The following ARHGAP15 variants were observed in gnomAD, a reference collection of about 807,000 sequenced individuals.
ARHGAP15 encodes the protein Rho GTPase activating protein 15.
Under a neutral mutation model 63.7 loss-of-function variants are expected in ARHGAP15, and 51 were observed. That is an observed-to-expected ratio of 0.80 (90% CI 0.64 to 1.01). The LOEUF is 1.01. Among genes scored for constraint, ARHGAP15 ranks in the 50% least tolerant of loss-of-function variants. The pLI is 0.00. For missense variants in ARHGAP15, 560 were observed against 564.6 expected, an observed-to-expected ratio of 0.99 and a Z score of 0.08; for synonymous variants, 191 against 193.8, an observed-to-expected ratio of 0.99 and a Z score of 0.12.
At chr2:143,324,943 TAATG>T (rs1172560378) in intron 6 of ARHGAP15, among the ~76,000 whole-genome samples, 2 of 152,214 alleles carry the variant, frequency 1.3e-5, no homozygotes, top group Non-Finnish European at 2.9e-5. Flanking sequence ...AACATGATTA[TAATG>T]AATATTCAAA....
intron 13 of ARHGAP15, among the ~76,000 whole-genome samples, chr2:143,713,197 G>A (rs937581112): frequency 2.0e-5 from 3 of 152,150 alleles, no homozygotes; most frequent in Non-Finnish European, 2.9e-5. Context: ...CGTGGCTGAG[G>A]TGGAGAGACC....
At chr2:143,295,524 A>G (rs1252456581) in intron 6 of ARHGAP15, 1 of 152,046 alleles carries the variant, frequency 6.6e-6, no homozygotes, top group Non-Finnish European at 1.5e-5. Context: ...TAATCACCAC[A>G]CATAAATTAC....
chr2:143,448,633 C>T (rs560824318), intron 8 of ARHGAP15, among the ~76,000 whole-genome samples: 9 of 152,080 alleles, frequency 5.9e-5, no homozygotes, highest in African/African-American at 1.7e-4. Context: ...TACCCATTGC[C>T]TCTGTGGTTT....
intron 4 of ARHGAP15, among the ~76,000 whole-genome samples, chr2:143,227,061 A>G (rs1404316426): frequency 3.9e-5 from 6 of 152,194 alleles, no homozygotes; most frequent in Non-Finnish European, 8.8e-5. Flanking sequence ...AATGAATTCA[A>G]CTGTTTTGAA....
At chr2:143,390,743 A>G (rs1054055187) in intron 6 of ARHGAP15, among the ~76,000 whole-genome samples, 2 of 149,982 alleles carry the variant, frequency 1.3e-5, no homozygotes, top group Non-Finnish European at 3.0e-5. Flanking sequence ...ACACACACAC[A>G]CACACACACA....
At chr2:143,233,843 C>A (rs1399325299) in intron 5 of ARHGAP15, among the ~76,000 whole-genome samples, 1 of 151,988 alleles carries the variant, frequency 6.6e-6, no homozygotes, top group Non-Finnish European at 1.5e-5. Flanking sequence ...TAGGGTTTCA[C>A]TATGTTGGCC....
intron 8 of ARHGAP15, among the ~76,000 whole-genome samples, chr2:143,459,588 A>G (rs749852828): frequency 6.6e-5 from 10 of 152,160 alleles, no homozygotes; most frequent in Non-Finnish European, 1.2e-4. Flanking sequence ...TGCTTTCTGT[A>G]TACAATATTT....
intron 6 of ARHGAP15, among the ~76,000 whole-genome samples, chr2:143,409,822 G>C (rs1688370357): frequency 6.6e-6 from 1 of 152,030 alleles, no homozygotes; most frequent in Non-Finnish European, 1.5e-5. Flanking sequence ...GTGTGTGGTA[G>C]GCTATACCAT....
At chr2:143,174,197 C>A (rs1690918046) in intron 2 of ARHGAP15, among the ~76,000 whole-genome samples, 1 of 152,106 alleles carries the variant, frequency 6.6e-6, no homozygotes, top group Non-Finnish European at 1.5e-5. Context: ...GCCAGGCTCC[C>A]TACAGTTACA....
At chr2:143,729,080 GA>G (rs1403976691) in intron 13 of ARHGAP15, among the ~76,000 whole-genome samples, 1 of 152,122 alleles carries the variant, frequency 6.6e-6, no homozygotes, top group Non-Finnish European at 1.5e-5. Flanking sequence ...TGCATAGCAA[GA>G]AAAAAAGTGA....
intron 6 of ARHGAP15, among the ~76,000 whole-genome samples, chr2:143,273,104 ATTAT>A (rs1681376003): frequency 1.3e-5 from 2 of 152,060 alleles, no homozygotes; most frequent in Admixed American, 6.5e-5. Context: ...GTTTAAATAA[ATTAT>A]TTATACTTCT....
intron 6 of ARHGAP15, among the ~76,000 whole-genome samples, chr2:143,253,009 A>G (rs1029696895): frequency 2.0e-5 from 3 of 152,030 alleles, no homozygotes; most frequent in East Asian, 1.9e-4. Flanking sequence ...TTTCTTCCTG[A>G]CTGAAAAAGA....
At chr2:143,323,702 G>T (rs528145517) in intron 6 of ARHGAP15, among the ~76,000 whole-genome samples, 1 of 151,698 alleles carries the variant, frequency 6.6e-6, no homozygotes, top group Non-Finnish European at 1.5e-5. Flanking sequence ...CCGAGACCAC[G>T]GTGAAACCCT....
chr2:143,249,147 G>T (rs60632578), intron 5 of ARHGAP15, among the ~76,000 whole-genome samples: 25,729 of 152,024 alleles, frequency 0.17, 2,347 homozygotes, highest in Middle Eastern at 0.25. Context: ...ATCTCTTTAA[G>T]GAGCATGGCT....
At chr2:143,575,930 A>C (rs1324668026) in intron 11 of ARHGAP15, among the ~76,000 whole-genome samples, 1 of 152,148 alleles carries the variant, frequency 6.6e-6, no homozygotes. Context: ...GGAAAAAGGC[A>C]GAGAGTGGAA....
chr2:143,660,669 T>C (rs191460183), intron 12 of ARHGAP15, among the ~76,000 whole-genome samples: 30 of 152,290 alleles, frequency 2.0e-4, no homozygotes, highest in African/African-American at 6.3e-4. Flanking sequence ...TGAGTACCAG[T>C]ATGATAAATT....
chr2:143,519,156 A>G, intron 9 of ARHGAP15, 110 bp from the exon 10 acceptor site: 1 of 785,130 alleles, frequency 1.3e-6, no homozygotes, highest in South Asian at 1.7e-5. Flanking sequence ...CAAAAAAAAA[A>G]TCTTATGCAA....
chr2:143,510,060 G>A (rs1271521928), intron 9 of ARHGAP15, among the ~76,000 whole-genome samples: 2 of 134,062 alleles, frequency 1.5e-5, no homozygotes, highest in Non-Finnish European at 3.2e-5. Context: ...GAAACACCAT[G>A]CTTTGATAAG....
At chr2:143,758,462 T>C (rs1438446233) in intron 13 of ARHGAP15, among the ~76,000 whole-genome samples, 1 of 152,012 alleles carries the variant, frequency 6.6e-6, no homozygotes, top group Non-Finnish European at 1.5e-5. Flanking sequence ...AGACCATGTA[T>C]TAGTTTTGCT....
Sources: gnomAD v4.1 joint callset for allele counts (sites outside exome capture counted in the v4.1 genomes callset) on GRCh38, gnomAD v4.1.1 for gene constraint, MANE v1.5 for transcripts, NCBI Gene and HGNC (gene_info 2026-07-23, HGNC 2026-07-21) for gene names.